CNTN5: variants seen among roughly 807,000 people sequenced by gnomAD.
The protein encoded by CNTN5 is contactin-5.
CNTN5 carries 77 observed loss-of-function variants against 129.1 expected under a neutral mutation model. The ratio of observed to expected loss-of-function variants is 0.60; its 90% CI spans 0.50 to 0.72. CNTN5 has a LOEUF of 0.72. Among genes scored for constraint, CNTN5 ranks in the 30% least tolerant of loss-of-function variants. The pLI is 0.00. For missense variants in CNTN5, 1,478 were observed against 1,328.8 expected (o/e 1.11, Z -1.75); for synonymous variants, 509 against 465.6 (o/e 1.09, Z -1.20).
At chr11:99,763,165 C>T (rs772836928) in intron 3 of CNTN5, among the ~76,000 whole-genome samples, 1 of 152,046 alleles carries the variant, frequency 6.6e-6, no homozygotes, top group African/African-American at 2.4e-5. Flanking sequence ...TTCATATTTA[C>T]TTAAATGTAT....
intron 3 of CNTN5, among the ~76,000 whole-genome samples, chr11:99,564,792 C>T (rs546975566): frequency 2.8e-4 from 42 of 152,180 alleles, no homozygotes; most frequent in African/African-American, 9.6e-4. Flanking sequence ...GAAGACAATA[C>T]GGTCCAGGAT....
intron 2 of CNTN5, among the ~76,000 whole-genome samples, chr11:99,482,509 G>A (rs1484345064): frequency 1.3e-5 from 2 of 152,086 alleles, no homozygotes; most frequent in Non-Finnish European, 2.9e-5. Context: ...TGTGAATTTA[G>A]TCAGTTGCTT....
At chr11:99,942,164 A>C (rs1049199449) in intron 7 of CNTN5, among the ~76,000 whole-genome samples, 1 of 152,088 alleles carries the variant, frequency 6.6e-6, no homozygotes, top group African/African-American at 2.4e-5. Context: ...AATTAATTTA[A>C]ATAAGTTTAT....
intron 1 of CNTN5, among the ~76,000 whole-genome samples, chr11:99,163,974 T>C (rs747376497): frequency 1.3e-5 from 2 of 152,214 alleles, no homozygotes; most frequent in Non-Finnish European, 2.9e-5. Context: ...AACATGACTT[T>C]AAAAAGCTCA....
chr11:99,301,225 C>T (rs1238763875), intron 1 of CNTN5, among the ~76,000 whole-genome samples: 3 of 151,034 alleles, frequency 2.0e-5, no homozygotes, highest in Non-Finnish European at 3.0e-5. Context: ...AGCAAAATGG[C>T]AGATTCAAAT....
chr11:99,186,507 G>A (rs1287099368), intron 1 of CNTN5, among the ~76,000 whole-genome samples: 6 of 151,902 alleles, frequency 3.9e-5, no homozygotes, highest in African/African-American at 1.4e-4. Flanking sequence ...TTTGCCTGCA[G>A]CATCTAGATT....
chr11:100,002,076 C>T lies in CNTN5; in HGVS notation c.920C>T (p.Pro307Leu). Residue 307 changes from proline (P) to leucine (L), a missense_variant, in exon 9 of 25, where the codon CCT (proline) becomes CTT (leucine). Transcript: ENST00000524871. ...GAGCCGAAAATTGAGGTCCATTTTC[C>T]TTTCACGGTTACAGCTGCTAAAGGA... ...EYEPKIEVHFPFTVTAAKGTT... is the reference protein window; with the variant it reads ...EYEPKIEVHFLFTVTAAKGTT... 3 of 1,598,306 alleles carry T rather than the reference C, an allele frequency of 1.9e-6. No individual in the cohort carries two copies. The highest frequency in any genetic ancestry group is 1.7e-6 in the Non-Finnish European group (2 of 1,175,374).
intron 2 of CNTN5, among the ~76,000 whole-genome samples, chr11:99,523,955 A>C (rs1947388544): frequency 6.6e-6 from 1 of 152,194 alleles, no homozygotes; most frequent in Non-Finnish European, 1.5e-5. Context: ...AGCCCAGACT[A>C]CTTCTTCCAT....
chr11:99,874,577 T>C (rs1948586355), intron 6 of CNTN5, among the ~76,000 whole-genome samples: 1 of 152,202 alleles, frequency 6.6e-6, no homozygotes, highest in Admixed American at 6.5e-5. Context: ...AAGTTGGTGA[T>C]ATTCTAATCT....
chr11:99,434,661 C>T (rs1943531738), intron 2 of CNTN5, among the ~76,000 whole-genome samples: 1 of 151,990 alleles, frequency 6.6e-6, no homozygotes, highest in Non-Finnish European at 1.5e-5. Flanking sequence ...CCAATAGGAA[C>T]TTTGAAATCT....
chr11:100,228,176 G>A (rs1225991684), intron 16 of CNTN5, among the ~76,000 whole-genome samples: 3 of 152,106 alleles, frequency 2.0e-5, no homozygotes, highest in Admixed American at 6.6e-5. Flanking sequence ...CTGCTTCTTA[G>A]TACAAAACAG....
At chr11:99,275,131 A>AC (rs1308922447) in intron 1 of CNTN5, among the ~76,000 whole-genome samples, 9 of 151,062 alleles carry the variant, frequency 6.0e-5, no homozygotes, top group Non-Finnish European at 1.3e-4. Flanking sequence ...AGTTTTTAAG[A>AC]CCCCTAGCCT....
intron 1 of CNTN5, among the ~76,000 whole-genome samples, chr11:99,259,066 T>A (rs1333547314): frequency 6.6e-6 from 1 of 151,886 alleles, no homozygotes; most frequent in Non-Finnish European, 1.5e-5. Context: ...TTTTTAAAGA[T>A]AAGTTAATGT....
At chr11:100,080,880 A>C (rs2137927882) in intron 13 of CNTN5, among the ~76,000 whole-genome samples, 1 of 152,332 alleles carries the variant, frequency 6.6e-6, no homozygotes, top group South Asian at 2.1e-4. Flanking sequence ...TAAAATGATT[A>C]AATGGCATTG....
chr11:99,141,826 A>T (rs1166320474), intron 1 of CNTN5, among the ~76,000 whole-genome samples: 1 of 152,030 alleles, frequency 6.6e-6, no homozygotes, highest in Non-Finnish European at 1.5e-5. Flanking sequence ...CTTGGCATTG[A>T]TTTCCATTTT....
chr11:99,794,464 G>A (rs532233792), intron 3 of CNTN5, among the ~76,000 whole-genome samples: 34 of 152,068 alleles, frequency 2.2e-4, no homozygotes, highest in Non-Finnish European at 3.7e-4. Context: ...TCCTGTCATC[G>A]TGTTTGTTAG....
In CNTN5 at chr11:99,252,681, C is replaced by T. The variant is rs560372604; in HGVS notation, c.-209-72665C>T. Among the ~76,000 whole-genome samples the T allele has an allele frequency of 4.6e-5, 7 of 151,944 alleles. No individual in the cohort carries two copies. In the East Asian group the frequency reaches 7.8e-4, roughly 17 times the overall value. On this transcript the variant is annotated intron_variant, in intron 1 of 24. Coordinates refer to ENST00000524871, the MANE Select transcript of CNTN5 (RefSeq NM_014361.4). ...ACCCATTGTGGCTTAAAGTTTAATTCGCTAGTTACTAATCAATTAAATTGT... is the reference window on the plus strand; with the variant it reads ...ACCCATTGTGGCTTAAAGTTTAATTTGCTAGTTACTAATCAATTAAATTGT...
intron 9 of CNTN5, among the ~76,000 whole-genome samples, chr11:100,028,672 T>A (rs1000080619): frequency 6.6e-6 from 1 of 152,182 alleles, no homozygotes; most frequent in African/African-American, 2.4e-5. Flanking sequence ...CAGCTTTTCA[T>A]GGTGTCAACT....
intron 7 of CNTN5, among the ~76,000 whole-genome samples, chr11:99,919,258 TGGC>T (rs1949873795): frequency 6.6e-6 from 1 of 152,154 alleles, no homozygotes; most frequent in Non-Finnish European, 1.5e-5. Context: ...TCAACTTGTG[TGGC>T]GCTGTAGTTC....
Sources: gnomAD v4.1 joint callset for allele counts (sites outside exome capture counted in the v4.1 genomes callset) on GRCh38, gnomAD v4.1.1 for gene constraint, MANE v1.5 for transcripts, NCBI Gene and HGNC (gene_info 2026-07-23, HGNC 2026-07-21) for gene names.